SGCD: variants seen among roughly 807,000 people sequenced by gnomAD.
SGCD encodes the protein delta-sarcoglycan.
Under a neutral mutation model 36.6 loss-of-function variants are expected in SGCD, and 18 were observed. That is an observed-to-expected ratio of 0.49 (90% CI 0.34 to 0.73). SGCD has a LOEUF of 0.73. Ranked by LOEUF, SGCD falls within the 30% of genes least tolerant of loss-of-function variation. The probability of loss-of-function intolerance (pLI) is 0.01; values close to 1 mark genes in which losing one functional copy is unlikely to be tolerated. For synonymous variants in SGCD, 133 were observed against 130.6 expected, an observed-to-expected ratio of 1.02 and a Z score of -0.12; for missense variants, 387 against 346.7, an observed-to-expected ratio of 1.12 and a Z score of -0.92.
At chr5:156,277,663 T>G (rs1472559087) in intron 3 of SGCD, among the ~76,000 whole-genome samples, 3 of 152,304 alleles carry the variant, frequency 2.0e-5, no homozygotes, top group Admixed American at 6.5e-5. Flanking sequence ...TGCCTCTACC[T>G]TAAAAAGAAG....
intron 1 of SGCD, among the ~76,000 whole-genome samples, chr5:156,092,023 G>T (rs925364311): frequency 6.6e-6 from 1 of 152,180 alleles, no homozygotes; most frequent in Non-Finnish European, 1.5e-5. Context: ...AGCATGCATG[G>T]CTTCTGGGGG....
intron 3 of SGCD, among the ~76,000 whole-genome samples, chr5:156,267,094 G>A (rs1561591852): frequency 6.6e-6 from 1 of 152,114 alleles, no homozygotes; most frequent in Admixed American, 6.6e-5. Flanking sequence ...AACTCTCTCA[G>A]ACTCCACTTC....
chr5:156,425,884 A>G (rs1285254943), intron 3 of SGCD, among the ~76,000 whole-genome samples: 1 of 152,130 alleles, frequency 6.6e-6, no homozygotes, highest in Non-Finnish European at 1.5e-5. Context: ...TGCAAAGACC[A>G]TTATTTCATT....
At chr5:156,341,729 A>G (rs1768663933) in intron 2 of SGCD, among the ~76,000 whole-genome samples, 1 of 152,104 alleles carries the variant, frequency 6.6e-6, no homozygotes. Context: ...TTATTTTTTG[A>G]GACGAAGTCT....
chr5:155,856,868 G>C, the SGCD span, among the ~76,000 whole-genome samples: 1 of 152,192 alleles, frequency 6.6e-6, no homozygotes, highest in Non-Finnish European at 1.5e-5. Flanking sequence ...AGGATGTGGA[G>C]CAACATGACT....
chr5:155,795,039 T>C, the SGCD span, among the ~76,000 whole-genome samples: 1 of 152,112 alleles, frequency 6.6e-6, no homozygotes, highest in Non-Finnish European at 1.5e-5. Context: ...ATAATGGAAT[T>C]ACCTCTTAAA....
At chr5:156,673,095 A>G (rs1050797876) in intron 7 of SGCD, among the ~76,000 whole-genome samples, 3 of 152,198 alleles carry the variant, frequency 2.0e-5, no homozygotes, top group African/African-American at 7.2e-5. Flanking sequence ...AGGGGTTTCA[A>G]GTTAGATGAA....
At chr5:155,761,901 T>C in the SGCD span, among the ~76,000 whole-genome samples, 1 of 152,198 alleles carries the variant, frequency 6.6e-6, no homozygotes, top group African/African-American at 2.4e-5. Flanking sequence ...ACCGTTATTG[T>C]CATGTCTGCC....
chr5:155,822,995 T>C, the SGCD span, among the ~76,000 whole-genome samples: 1 of 152,128 alleles, frequency 6.6e-6, no homozygotes, highest in East Asian at 1.9e-4. Flanking sequence ...TACATATCCT[T>C]GTCTCTGTCT....
At chr5:156,456,366 A>G (rs138310012) in intron 3 of SGCD, among the ~76,000 whole-genome samples, 3 of 152,280 alleles carry the variant, frequency 2.0e-5, no homozygotes, top group African/African-American at 7.2e-5. Context: ...GTTACTAGAG[A>G]TGTGAATAAT....
intron 3 of SGCD, among the ~76,000 whole-genome samples, chr5:156,445,216 G>A (rs1467091319): frequency 6.6e-6 from 1 of 151,992 alleles, no homozygotes; most frequent in Non-Finnish European, 1.5e-5. Flanking sequence ...ATTGCCTTAT[G>A]TCGATGAGTG....
chr5:156,228,816 G>C (rs1764923269), intron 3 of SGCD, among the ~76,000 whole-genome samples: 1 of 151,974 alleles, frequency 6.6e-6, no homozygotes, highest in African/African-American at 2.4e-5. Context: ...AAGATTTAGA[G>C]CTCCTTTTAG....
intron 3 of SGCD, among the ~76,000 whole-genome samples, chr5:156,244,514 G>A (rs1204514392): frequency 6.6e-6 from 1 of 152,262 alleles, no homozygotes; most frequent in African/African-American, 2.4e-5. Flanking sequence ...GCGTGGTAAT[G>A]GGACATTGGG....
chr5:155,951,170 T>G (rs1757539784), intron 1 of SGCD, among the ~76,000 whole-genome samples: 1 of 152,126 alleles, frequency 6.6e-6, no homozygotes. Context: ...CACCATAAAT[T>G]TTTTCTCACA....
chr5:155,979,138 T>C (rs1758178130), intron 1 of SGCD, among the ~76,000 whole-genome samples: 1 of 152,218 alleles, frequency 6.6e-6, no homozygotes, highest in South Asian at 2.1e-4. Context: ...TTTAACTGTC[T>C]TGCCTGAACA....
intron 3 of SGCD, among the ~76,000 whole-genome samples, chr5:156,374,178 C>T (rs1183111748): frequency 6.6e-6 from 1 of 151,362 alleles, no homozygotes; most frequent in Non-Finnish European, 1.5e-5. Context: ...TGGCAATATC[C>T]TTAGTGTTAA....
At chr5:156,466,028 T>A (rs903821154) in intron 3 of SGCD, among the ~76,000 whole-genome samples, 2 of 152,206 alleles carry the variant, frequency 1.3e-5, no homozygotes, top group African/African-American at 4.8e-5. Flanking sequence ...TGGGACAATA[T>A]CTTTCAAATC....
intron 3 of SGCD, among the ~76,000 whole-genome samples, chr5:156,262,047 T>C (rs188833776): frequency 1.3e-5 from 2 of 152,154 alleles, no homozygotes; most frequent in East Asian, 3.9e-4. Flanking sequence ...GTAAGCTAAG[T>C]TTAATTCGTT....
At chr5:155,792,068 C>A in the SGCD span, among the ~76,000 whole-genome samples, 1 of 152,108 alleles carries the variant, frequency 6.6e-6, no homozygotes, top group African/African-American at 2.4e-5. Flanking sequence ...ATCCATAAAC[C>A]AATGAAACAG....
Sources: gnomAD v4.1 joint callset for allele counts (sites outside exome capture counted in the v4.1 genomes callset) on GRCh38, gnomAD v4.1.1 for gene constraint, MANE v1.5 for transcripts, NCBI Gene and HGNC (gene_info 2026-07-23, HGNC 2026-07-21) for gene names.